Variants in ALDH4A1 observed in about 807,000 individuals in gnomAD.
ALDH4A1 encodes the protein delta-1-pyrroline-5-carboxylate dehydrogenase, mitochondrial.
Under a neutral mutation model 70.5 loss-of-function variants are expected in ALDH4A1, and 46 were observed. That is an observed-to-expected ratio of 0.65 (90% CI 0.51 to 0.83). ALDH4A1 has a LOEUF of 0.83. ALDH4A1 is among the 40% of genes least tolerant of loss of function. The pLI is 0.00. For missense variants in ALDH4A1, 749 were observed against 766.5 expected (o/e 0.98, Z 0.27); for synonymous variants, 323 against 324.3 (o/e 1.00, Z 0.04).
chr1:18,894,827 T>TC (rs1267156544), intron 1 of ALDH4A1, among the ~76,000 whole-genome samples: 1 of 149,914 alleles, frequency 6.7e-6, no homozygotes, highest in Non-Finnish European at 1.5e-5. Context: ...ACCTAAGGAC[T>TC]CCCACCCATC....
intron 1 of ALDH4A1, among the ~76,000 whole-genome samples, chr1:18,895,322 C>T (rs1935581112): frequency 6.6e-6 from 1 of 152,174 alleles, no homozygotes; most frequent in African/African-American, 2.4e-5. Flanking sequence ...CAAGTTGGTC[C>T]CCCTCACCCT....
chr1:18,876,599 ACGC>A, intron 11 of ALDH4A1, 132 bp from the exon 12 acceptor site: 1 of 1,047,306 alleles, frequency 9.5e-7, no homozygotes, highest in Non-Finnish European at 1.3e-6. Flanking sequence ...GGGGTAGGGG[ACGC>A]CAAGGGCAAA....
At chr1:18,886,938 A>T (rs1259042216) in intron 3 of ALDH4A1, among the ~76,000 whole-genome samples, 1 of 152,170 alleles carries the variant, frequency 6.6e-6, no homozygotes, top group African/African-American at 2.4e-5. Flanking sequence ...CATGGACAGG[A>T]GAACCAAAGG....
chr1:18,902,184 C>A (rs1935822606), intron 1 of ALDH4A1, among the ~76,000 whole-genome samples: 1 of 152,062 alleles, frequency 6.6e-6, no homozygotes, highest in Non-Finnish European at 1.5e-5. Flanking sequence ...GCGTGGGAAC[C>A]GGCAGGGCCA....
At position 18,876,332 on chromosome 1, in the gene ALDH4A1, C is replaced by G; in HGVS notation, c.1321G>C (p.Glu441Gln). The change falls in exon 12 of 15, where the codon GAG (glutamate) becomes CAG (glutamine). Residue 441 changes from glutamate to glutamine, a missense_variant. Transcript: ENST00000375341. The stretch of plus-strand genomic sequence containing the variant: ...CCAGTCACCTCCTTCATGATGGGCT[C>G]CTGAGGGTCCTTGCTCTCCACGATG... Reference protein sequence around the residue: ...PCIVESKDPQEPIMKEEIFGP... With the variant: ...PCIVESKDPQQPIMKEEIFGP... 6.2e-7 allele frequency: 1 copy of G among 1,613,884 alleles called. No individual in the cohort carries two copies. The highest frequency in any genetic ancestry group is 8.5e-7 in the Non-Finnish European group (1 of 1,179,986).
In ALDH4A1 at chr1:18,883,210, G is replaced by A. The variant is rs200517905; in HGVS notation, c.604-12C>T. On this transcript the variant is annotated splice_polypyrimidine_tract_variant and intron_variant, in intron 6 of 14. Coordinates refer to ENST00000375341, the MANE Select transcript of ALDH4A1 (RefSeq NM_003748.4). ...GCCGCCACGAAGCCCTGGGGAAGGA[G>A]GCAGCGGTGAGATCAGGCCCATGGC... 1 of 1,613,174 alleles carries A rather than the reference G, an allele frequency of 6.2e-7. No individual in the cohort carries two copies. The highest frequency in any genetic ancestry group is 2.2e-5 in the East Asian group (1 of 44,870).
At chr1:18,877,324 C>T (rs1382197212) in intron 10 of ALDH4A1, 69 bp from the exon 11 acceptor site, 4 of 1,558,904 alleles carry the variant, frequency 2.6e-6, no homozygotes, top group South Asian at 1.2e-5. Flanking sequence ...CCCCTCCCCG[C>T]ACACCCCAGC....
At chr1:18,892,150 C>G (rs1028356803) in intron 1 of ALDH4A1, among the ~76,000 whole-genome samples, 3 of 152,122 alleles carry the variant, frequency 2.0e-5, no homozygotes, top group Non-Finnish European at 4.4e-5. Flanking sequence ...GACAGACTGG[C>G]CCGGCTATGA....
rs1198059373 is a variant in ALDH4A1 at position 18,902,455 on chromosome 1, C to T, written c.62+7G>A. 2.2e-6 allele frequency: 3 copies of T among 1,374,172 alleles called. No homozygotes were observed. Among genetic ancestry groups the T allele is most frequent in the East Asian group, 6.1e-5 (2 of 32,576 alleles). The allele number at this position is 1,374,172 out of a possible 1,614,324, so 85.1% of individuals were successfully genotyped here. A position where few individuals can be genotyped will look rare whatever the true frequency, so the allele number is the denominator to read the frequency against. ...CTCGGGCCGCCCCGGGCCCCGTGCT[C>T]ACTCACCCGGCCCCGGTCCAGGGGC... is the stretch of plus-strand genomic sequence containing the variant. On this transcript the variant is annotated splice_region_variant and intron_variant, in intron 1 of 14. Transcript: ENST00000375341.
intron 1 of ALDH4A1, among the ~76,000 whole-genome samples, chr1:18,892,240 G>C (rs1258269497): frequency 6.6e-6 from 1 of 152,120 alleles, no homozygotes; most frequent in Non-Finnish European, 1.5e-5. Context: ...CCAAAGGAGT[G>C]TGGCCAGGCC....
chr1:18,875,881 G>T (rs187403807), intron 12 of ALDH4A1, among the ~76,000 whole-genome samples: 1 of 152,316 alleles, frequency 6.6e-6, no homozygotes, highest in South Asian at 2.1e-4. Flanking sequence ...CCAAGGGGCT[G>T]GGGGGAAGAT....
intron 1 of ALDH4A1, among the ~76,000 whole-genome samples, chr1:18,895,439 G>A (rs1018334046): frequency 2.6e-5 from 4 of 152,092 alleles, no homozygotes; most frequent in African/African-American, 4.8e-5. Flanking sequence ...GCCATGTACC[G>A]TTTCACCTCC....
rs1318717838 is a variant in ALDH4A1 at position 18,880,077 on chromosome 1, G to C, written c.867-704C>G. Among the ~76,000 whole-genome samples, 3 of 152,210 alleles carry C rather than the reference G, an allele frequency of 2.0e-5. No individual in the cohort carries two copies. The highest frequency in any genetic ancestry group is 7.2e-5 in the African/African-American group (3 of 41,452). On this transcript the variant is annotated intron_variant, in intron 8 of 14. Coordinates refer to ENST00000375341, the MANE Select transcript of ALDH4A1 (RefSeq NM_003748.4). The surrounding 1 kb of genome is among the most constrained non-coding windows in gnomAD (Gnocchi z 5.1). Reference sequence around the variant, plus strand: ...TCCAGGCCCGCTCCGCCCGCTGATAGGCGGGGAGCCCAGGGGCCCGTGGCT... The same window carrying C: ...TCCAGGCCCGCTCCGCCCGCTGATACGCGGGGAGCCCAGGGGCCCGTGGCT...
At chr1:18,892,614 G>A (rs1557625779) in intron 1 of ALDH4A1, among the ~76,000 whole-genome samples, 1 of 151,760 alleles carries the variant, frequency 6.6e-6, no homozygotes, top group Non-Finnish European at 1.5e-5. Flanking sequence ...GCAGGGGCAG[G>A]GCACCCAAGA....
intron 8 of ALDH4A1, among the ~76,000 whole-genome samples, chr1:18,879,806 C>T (rs934634095): frequency 6.6e-6 from 1 of 151,900 alleles, no homozygotes; most frequent in South Asian, 2.1e-4. Flanking sequence ...AGGATCCCCC[C>T]CAAGCCCAGC....
rs1340670470 is a variant in ALDH4A1 at position 18,877,482 on chromosome 1, C to A, written c.1071G>T (p.Pro357=). The change falls in exon 10 of 15, where the codon CCG becomes CCT. Residue 357 remains proline (P), a synonymous_variant. Coordinates refer to ENST00000375341, the MANE Select transcript of ALDH4A1 (RefSeq NM_003748.4). ...KCSACSRLYV[P]HSLWPQIKGR... Reference sequence around the variant, plus strand: ...CTTTGATCTGCGGCCACAGCGAGTGCGGCACGTAGAGACGCGAGCACGCGG... The same window carrying A: ...CTTTGATCTGCGGCCACAGCGAGTGAGGCACGTAGAGACGCGAGCACGCGG... 7 of 1,599,910 alleles carry A rather than the reference C, an allele frequency of 4.4e-6. No homozygotes were observed. Among genetic ancestry groups the A allele is most frequent in the South Asian group, 1.1e-5 (1 of 88,814 alleles).
At chr1:18,883,537 G>A (rs915517198) in intron 5 of ALDH4A1, 109 bp from the exon 6 acceptor site, 5 of 1,489,436 alleles carry the variant, frequency 3.4e-6, no homozygotes, top group East Asian at 4.8e-5. Context: ...CCCCAGGAGG[G>A]ACCAGGAAAC....
At chr1:18,901,775 T>C (rs1480825281) in intron 1 of ALDH4A1, among the ~76,000 whole-genome samples, 2 of 152,158 alleles carry the variant, frequency 1.3e-5, no homozygotes, top group Non-Finnish European at 2.9e-5. Flanking sequence ...TGCTGGGCAC[T>C]GTTCAGTGCA....
rs780768733 is a variant in ALDH4A1, at chr1:18,877,505, CG to C, written c.1047del (p.Ala350ArgfsTer42). ...SAFEYGGQKC[S>X]ACSRLYVPHS... ...TGCGGCACGTAGAGACGCGAGCACG[CG>C]GAACACTTCTGGCCACCGTACTCGA... On this transcript the variant is annotated frameshift_variant, in exon 10 of 15. Transcript: ENST00000375341. LOFTEE classifies it high-confidence loss of function. The C allele has an allele frequency of 1.9e-6, 3 of 1,609,432 alleles. No homozygotes were observed. The highest frequency in any genetic ancestry group is 2.5e-6 in the Non-Finnish European group (3 of 1,178,314).
Sources: allele counts gnomAD v4.1 joint callset (sites outside exome capture counted in the v4.1 genomes callset), GRCh38; gene constraint gnomAD v4.1.1; non-coding constraint Gnocchi (gnomAD v3.1); transcripts MANE v1.5; gene names NCBI Gene and HGNC (gene_info 2026-07-23, HGNC 2026-07-21).